Variants in RAB11FIP4 observed in about 807,000 individuals in gnomAD.
RAB11FIP4 encodes RAB11 family interacting protein 4.
A neutral mutation model predicts 74.3 loss-of-function variants in RAB11FIP4; 23 were observed. The observed-to-expected ratio is 0.31, with a 90% confidence interval of 0.22 to 0.44. RAB11FIP4 has a LOEUF of 0.44. Ranked by LOEUF, RAB11FIP4 falls within the 20% of genes least tolerant of loss-of-function variation. The pLI is 1.00. For missense variants in RAB11FIP4, 630 were observed against 863.9 expected (o/e 0.73, Z 3.39); for synonymous variants, 360 against 359.9 (o/e 1.00, Z 0.00).
chr17:31,501,591 C>T (rs951450225), intron 3 of RAB11FIP4, among the ~76,000 whole-genome samples: 4 of 152,094 alleles, frequency 2.6e-5, no homozygotes, highest in Admixed American at 6.5e-5. Context: ...TGCAGTGGCG[C>T]GATCTCGGCT....
chr17:31,461,802 C>T (rs575248650), intron 3 of RAB11FIP4, among the ~76,000 whole-genome samples: 1 of 151,802 alleles, frequency 6.6e-6, no homozygotes, highest in Non-Finnish European at 1.5e-5. Context: ...ACTAGAGATA[C>T]AGAATCTCAC....
At chr17:31,524,092 C>A in intron 9 of RAB11FIP4, 96 bp downstream of exon 9, 2 of 841,248 alleles carry the variant, frequency 2.4e-6, no homozygotes, top group Non-Finnish European at 3.9e-6. Context: ...CAGCCTCATG[C>A]CTTTGCAGCT....
chr17:31,430,275 G>A (rs1597912445), intron 1 of RAB11FIP4, among the ~76,000 whole-genome samples: 1 of 151,950 alleles, frequency 6.6e-6, no homozygotes, highest in Non-Finnish European at 1.5e-5. Context: ...TACAGTGAGT[G>A]ATGAAGAGCA....
chr17:31,402,592 A>ATT (rs1272309222), intron 1 of RAB11FIP4, among the ~76,000 whole-genome samples: 2,379 of 128,356 alleles, frequency 0.019, 67 homozygotes, highest in African/African-American at 0.07. Flanking sequence ...AGATTATTTT[A>ATT]TTTATTTTTA....
At chr17:31,497,515 G>A (rs2072139845) in intron 3 of RAB11FIP4, among the ~76,000 whole-genome samples, 1 of 152,194 alleles carries the variant, frequency 6.6e-6, no homozygotes. Flanking sequence ...AGCAGGATGT[G>A]TCAGGGGCCC....
chr17:31,402,645 AG>A (rs1463774251), intron 1 of RAB11FIP4, among the ~76,000 whole-genome samples: 8 of 113,674 alleles, frequency 7.0e-5, no homozygotes, highest in African/African-American at 2.5e-4. Flanking sequence ...TTTTTGAGAC[AG>A]AGTCTTGCTT....
intron 13 of RAB11FIP4, 124 bp downstream of exon 13, chr17:31,528,902 C>G: frequency 7.0e-6 from 8 of 1,141,140 alleles, no homozygotes; most frequent in Non-Finnish European, 9.7e-6. Context: ...TGCTTCTCAG[C>G]AACCTGTTTG....
At chr17:31,530,027 A>G (rs963417319) in intron 13 of RAB11FIP4, among the ~76,000 whole-genome samples, 5 of 152,246 alleles carry the variant, frequency 3.3e-5, no homozygotes, top group East Asian at 3.9e-4. Flanking sequence ...TGATGTCCCT[A>G]TGCAGGGCCT....
intron 3 of RAB11FIP4, among the ~76,000 whole-genome samples, chr17:31,491,595 G>C (rs2072009851): frequency 6.6e-6 from 1 of 152,156 alleles, no homozygotes; most frequent in African/African-American, 2.4e-5. Context: ...TGGCTGGCAT[G>C]CTATGTCTGT....
intron 5 of RAB11FIP4, 56 bp downstream of exon 5, chr17:31,521,416 G>A: frequency 1.3e-6 from 2 of 1,502,206 alleles, no homozygotes; most frequent in South Asian, 1.3e-5. Context: ...AGCAATTTAA[G>A]CACATCCTAG....
At chr17:31,416,917 T>C (rs1597905247) in intron 1 of RAB11FIP4, among the ~76,000 whole-genome samples, 1 of 152,100 alleles carries the variant, frequency 6.6e-6, no homozygotes, top group African/African-American at 2.4e-5. Flanking sequence ...CTATCGCCCA[T>C]ATTCAGGATA....
intron 3 of RAB11FIP4, among the ~76,000 whole-genome samples, chr17:31,479,374 T>C (rs939504837): frequency 2.0e-5 from 3 of 152,156 alleles, no homozygotes; most frequent in African/African-American, 7.2e-5. Flanking sequence ...TTCCGCTAAT[T>C]CAAAAATCAA....
At chr17:31,489,426 C>T (rs1241790734) in intron 3 of RAB11FIP4, among the ~76,000 whole-genome samples, 1 of 152,062 alleles carries the variant, frequency 6.6e-6, no homozygotes, top group Non-Finnish European at 1.5e-5. Context: ...CTCTCACTCC[C>T]CCCCATATCC....
At chr17:31,418,856 T>C (rs2071172720) in intron 1 of RAB11FIP4, among the ~76,000 whole-genome samples, 1 of 152,152 alleles carries the variant, frequency 6.6e-6, no homozygotes, top group Non-Finnish European at 1.5e-5. Context: ...GGGGAAGAAG[T>C]GTCACTATTT....
At chr17:31,410,107 A>C (rs1051007054) in intron 1 of RAB11FIP4, among the ~76,000 whole-genome samples, 1 of 152,122 alleles carries the variant, frequency 6.6e-6, no homozygotes, top group Non-Finnish European at 1.5e-5. Context: ...CTAATGAAAG[A>C]AGGAGGGTGA....
intron 3 of RAB11FIP4, 59 bp downstream of exon 3, chr17:31,434,181 C>T: frequency 7.2e-7 from 1 of 1,385,308 alleles, no homozygotes; most frequent in Non-Finnish European, 9.9e-7. Context: ...CTTGGTCTTG[C>T]CTTTGCTCCA....
rs550826994 is a variant in RAB11FIP4, at chr17:31,522,100, G to T, written c.893+51G>T. ...TGAGAGGCCGGGGGGCCAGGGCAGG[G>T]CCTGGAGGGAGAAGCTACGGGCATG... On this transcript the variant is annotated intron_variant, in intron 6 of 14. Transcript: ENST00000621161. 4 of 1,605,366 alleles carry T rather than the reference G, an allele frequency of 2.5e-6. No individual in the cohort carries two copies. In the South Asian group the frequency reaches 4.4e-5, roughly 18 times the overall value.
At chr17:31,488,010 G>T (rs1043687415) in intron 3 of RAB11FIP4, 2 of 1,008,704 alleles carry the variant, frequency 2.0e-6, no homozygotes, top group African/African-American at 3.5e-5. Flanking sequence ...CGAGTCCCGG[G>T]GCCCAGGCGC....
chr17:31,456,374 C>T (rs983597134), intron 3 of RAB11FIP4, among the ~76,000 whole-genome samples: 15 of 152,012 alleles, frequency 9.9e-5, no homozygotes, highest in Non-Finnish European at 1.6e-4. Flanking sequence ...TCTCAGTTAA[C>T]GTTTGTATTT....
Sources: allele counts gnomAD v4.1 joint callset (sites outside exome capture counted in the v4.1 genomes callset), GRCh38; gene constraint gnomAD v4.1.1; transcripts MANE v1.5; gene names NCBI Gene and HGNC (gene_info 2026-07-23, HGNC 2026-07-21).